The following PDE1A variants were observed in gnomAD, a reference collection of about 807,000 sequenced individuals.
The protein encoded by PDE1A is dual specificity calcium/calmodulin-dependent 3',5'-cyclic nucleotide phosphodiesterase 1A.
PDE1A carries 35 observed loss-of-function variants against 61.7 expected under a neutral mutation model. The observed-to-expected ratio is 0.57, with a 90% confidence interval of 0.43 to 0.75. The LOEUF is 0.75. Ranked by LOEUF, PDE1A falls within the 30% of genes least tolerant of loss-of-function variation. The pLI, the probability that PDE1A is intolerant of heterozygous loss-of-function variation, is 0.00. For synonymous variants in PDE1A, 232 were observed against 213.2 expected (o/e 1.09, Z -0.77); for missense variants, 597 against 630.6 (o/e 0.95, Z 0.57).
At chr2:182,254,080 C>T (rs1432498853) in intron 2 of PDE1A, among the ~76,000 whole-genome samples, 1 of 152,118 alleles carries the variant, frequency 6.6e-6, no homozygotes, top group African/African-American at 2.4e-5. Flanking sequence ...ATCAAAACAT[C>T]ACTAATAGTC....
Position 182,375,634 on chromosome 2 carries a change from T to G in PDE1A, c.53+50944A>C, listed in dbSNP as rs187295405. Among the ~76,000 whole-genome samples, 178 of 152,312 alleles carry G rather than the reference T, an allele frequency of 1.2e-3. 3 individuals carry two copies. The highest frequency in any genetic ancestry group is 4.9e-4 in the Non-Finnish European group (33 of 68,018). Reference sequence around the variant, plus strand: ...CAAAGTGCAAGCTGTAGGTGCATTCTGGGGTCTGGAAGATGGTGGCCCTCT... The same window carrying G: ...CAAAGTGCAAGCTGTAGGTGCATTCGGGGGTCTGGAAGATGGTGGCCCTCT... On this transcript the variant is annotated intron_variant, in intron 1 of 13. Coordinates refer to ENST00000351439, the Ensembl canonical transcript of PDE1A.
At chr2:182,322,851 C>T (rs767115437) in intron 1 of PDE1A, among the ~76,000 whole-genome samples, 7 of 151,882 alleles carry the variant, frequency 4.6e-5, no homozygotes, top group South Asian at 2.1e-4. Context: ...TAAATGATTT[C>T]GCAAAAATAA....
the PDE1A span, among the ~76,000 whole-genome samples, chr2:182,555,965 C>CAAAAAA: frequency 7.7e-3 from 374 of 48,434 alleles, 56 homozygotes; most frequent in African/African-American, 0.037. Flanking sequence ...AACTCCATCT[C>CAAAAAA]AAAAAAAAAA....
chr2:182,363,068 G>A (rs1246876179), intron 1 of PDE1A, among the ~76,000 whole-genome samples: 5 of 152,010 alleles, frequency 3.3e-5, no homozygotes, highest in African/African-American at 1.2e-4. Flanking sequence ...TTGGAGGATG[G>A]AGGGCAGGAG....
intron 2 of PDE1A, among the ~76,000 whole-genome samples, chr2:182,512,551 T>TA (rs1202859603): frequency 1.3e-5 from 2 of 152,220 alleles, no homozygotes; most frequent in Admixed American, 1.3e-4. Context: ...TAGTGTCTTT[T>TA]ACCTCCAAAT....
intron 2 of PDE1A, among the ~76,000 whole-genome samples, chr2:182,515,956 G>C (rs1363381752): frequency 7.3e-5 from 1 of 13,612 alleles, no homozygotes; most frequent in Non-Finnish European, 1.4e-4. Flanking sequence ...GTGTGTTTCT[G>C]TGTGTGTGTG....
intron 1 of PDE1A, among the ~76,000 whole-genome samples, chr2:182,388,267 C>T (rs543633070): frequency 5.9e-4 from 90 of 152,240 alleles, no homozygotes; most frequent in African/African-American, 2.1e-3. Flanking sequence ...CAGCAATGAA[C>T]AGATTCAACC....
chr2:182,497,599 C>A (rs572817683), intron 2 of PDE1A, among the ~76,000 whole-genome samples: 88 of 152,256 alleles, frequency 5.8e-4, no homozygotes, highest in African/African-American at 2.1e-3. Flanking sequence ...ATGGCCCCAA[C>A]GTTTTTCCTC....
At chr2:182,341,937 A>C (rs1380714444) in intron 1 of PDE1A, among the ~76,000 whole-genome samples, 1 of 151,892 alleles carries the variant, frequency 6.6e-6, no homozygotes, top group Non-Finnish European at 1.5e-5. Flanking sequence ...TTTTTAAAAA[A>C]GTGTTATTTA....
At chr2:182,268,702 T>C (rs574546819) in intron 1 of PDE1A, among the ~76,000 whole-genome samples, 1 of 152,202 alleles carries the variant, frequency 6.6e-6, no homozygotes, top group African/African-American at 2.4e-5. Flanking sequence ...TGAACTCTCT[T>C]TCTCCCATGT....
chr2:182,334,802 A>T (rs1409489878), intron 1 of PDE1A, among the ~76,000 whole-genome samples: 2 of 152,192 alleles, frequency 1.3e-5, no homozygotes, highest in African/African-American at 2.4e-5. Context: ...AAAGAAATAA[A>T]GCGTATTCAA....
chr2:182,636,233 C>T, the PDE1A span, among the ~76,000 whole-genome samples: 1 of 152,100 alleles, frequency 6.6e-6, no homozygotes, highest in Non-Finnish European at 1.5e-5. Flanking sequence ...GCTGGGATTA[C>T]AGGCGTGATA....
intron 1 of PDE1A, among the ~76,000 whole-genome samples, chr2:182,389,066 A>G (rs1186325206): frequency 6.6e-6 from 1 of 152,110 alleles, no homozygotes; most frequent in African/African-American, 2.4e-5. Context: ...TAAAAATAAA[A>G]ATTATAAACT....
chr2:182,577,492 G>C, the PDE1A span, among the ~76,000 whole-genome samples: 1 of 152,276 alleles, frequency 6.6e-6, no homozygotes, highest in African/African-American at 2.4e-5. Flanking sequence ...GAACTGCTTA[G>C]AAACAGAGAA....
chr2:182,299,084 T>C (rs1302683876), intron 1 of PDE1A, among the ~76,000 whole-genome samples: 1 of 151,972 alleles, frequency 6.6e-6, no homozygotes, highest in Non-Finnish European at 1.5e-5. Flanking sequence ...AGAGTATCAA[T>C]TCCCCAATAT....
the PDE1A span, among the ~76,000 whole-genome samples, chr2:182,667,742 T>TCTGTC: frequency 4.6e-5 from 7 of 151,836 alleles, no homozygotes; most frequent in South Asian, 1.4e-3. Context: ...ACAGAGGGAT[T>TCTGTC]AGAATTGCTA....
intron 1 of PDE1A, among the ~76,000 whole-genome samples, chr2:182,343,427 A>G (rs910963882): frequency 6.6e-6 from 1 of 152,224 alleles, no homozygotes; most frequent in South Asian, 2.1e-4. Flanking sequence ...AGGTTTTCAG[A>G]TGCCATAAGC....
At chr2:182,466,436 T>A (rs1686673142) in intron 2 of PDE1A, among the ~76,000 whole-genome samples, 1 of 152,038 alleles carries the variant, frequency 6.6e-6, no homozygotes, top group Non-Finnish European at 1.5e-5. Flanking sequence ...GGGCTTTAGT[T>A]CTCCTAGAAA....
the PDE1A span, among the ~76,000 whole-genome samples, chr2:182,709,441 C>A: frequency 6.6e-6 from 1 of 152,158 alleles, no homozygotes; most frequent in Admixed American, 6.5e-5. Context: ...AAGCACTGTT[C>A]TAGCTAGGCA....
Sources: allele counts gnomAD v4.1 joint callset (sites outside exome capture counted in the v4.1 genomes callset), GRCh38; gene constraint gnomAD v4.1.1; transcripts MANE v1.5; gene names NCBI Gene and HGNC (gene_info 2026-07-23, HGNC 2026-07-21).